Variants in SYT12 observed in about 807,000 individuals in gnomAD.
The protein encoded by SYT12 is synaptotagmin-12.
In SYT12, 27 loss-of-function variants were observed where a neutral mutation model predicts 39.5. The observed-to-expected ratio is 0.68, with a 90% CI of 0.50 to 0.94. SYT12 has a LOEUF of 0.94. SYT12 is among the 40% of genes least tolerant of loss of function. The pLI, the probability that SYT12 is intolerant of heterozygous loss-of-function variation, is 0.00. For missense variants in SYT12, 536 were observed against 572.6 expected, an observed-to-expected ratio of 0.94 and a Z score of 0.65; for synonymous variants, 233 against 239.7, an observed-to-expected ratio of 0.97 and a Z score of 0.26.
chr11:67,031,497 A>G (rs1210706069), intron 2 of SYT12: 2 of 152,222 alleles, frequency 1.3e-5, no homozygotes, highest in Non-Finnish European at 2.9e-5. Flanking sequence ...CCTTGACTCC[A>G]TGGGTTAATA....
intron 3 of SYT12, among the ~76,000 whole-genome samples, chr11:67,035,363 A>T (rs1336589627): frequency 6.7e-6 from 1 of 149,360 alleles, no homozygotes; most frequent in African/African-American, 2.5e-5. Context: ...TGCTCCTTGC[A>T]GAGCAGGGCT....
chr11:67,030,228 C>T, intron 2 of SYT12, 50 bp downstream of exon 2: 2 of 1,604,666 alleles, frequency 1.2e-6, no homozygotes, highest in South Asian at 1.1e-5. Context: ...GAGACCCTTA[C>T]ACCAGGCCTG....
At chr11:67,038,053 A>AG (rs1023188429) in intron 3 of SYT12, among the ~76,000 whole-genome samples, 12 of 151,874 alleles carry the variant, frequency 7.9e-5, no homozygotes, top group African/African-American at 1.2e-4. Flanking sequence ...AAAAAAAAAA[A>AG]AAAAATTATG....
rs141528453 is a variant in SYT12, at chr11:67,044,596, G to A, written c.841G>A (p.Ala281Thr). 3.9e-5 allele frequency: 63 copies of A among 1,612,026 alleles called. No homozygotes were observed. The highest frequency in any genetic ancestry group is 5.5e-5 in the South Asian group (5 of 90,752). The change falls in exon 6 of 8, where the codon GCC becomes ACC. Residue 281 changes from alanine (A) to threonine (T), a missense_variant. Transcript: ENST00000527043. ...GAGCCACCTGTCTGTCCCCCAGGCC[G>A]CCGATGCTGTGGGGGAGATCCTGCT... Reference protein sequence around the residue: ...WLYLQDQNKAADAVGEILLSL... With the variant: ...WLYLQDQNKATDAVGEILLSL...
At chr11:67,010,026 T>C (rs796121279) in exon 2 of SYT12, 11 of 152,420 alleles carry the variant, frequency 7.2e-5, no homozygotes, top group African/African-American at 2.6e-4. Flanking sequence ...AAGGGCTTGG[T>C]GTGTTTGAGA....
intron 2 of SYT12, among the ~76,000 whole-genome samples, chr11:67,033,623 G>A (rs1262646179): frequency 1.3e-5 from 2 of 152,158 alleles, no homozygotes; most frequent in East Asian, 3.8e-4. Flanking sequence ...ACCCCTTCTG[G>A]GCTCTGTGAC....
At chr11:67,018,223 A>C (rs1204795503), upstream of SYT12, among the ~76,000 whole-genome samples, 1 of 151,978 alleles carries the variant, frequency 6.6e-6, no homozygotes, top group Non-Finnish European at 1.5e-5. Context: ...AGATCGTGCC[A>C]CTGCACTCCA....
chr11:67,044,724 G>T lies in SYT12; in HGVS notation c.958+11G>T, dbSNP rs771642644. The T allele has an allele frequency of 6.2e-7, 1 of 1,613,392 alleles. No individual in the cohort carries two copies. Among genetic ancestry groups the T allele is most frequent in the Non-Finnish European group, 8.5e-7 (1 of 1,179,832 alleles). On this transcript the variant is annotated intron_variant, in intron 6 of 7. Coordinates refer to ENST00000527043, the MANE Select transcript of SYT12 (RefSeq NM_177963.4). The stretch of plus-strand genomic sequence containing the variant: ...ACAAGACCACAGCGGGTAAGGCCCA[G>T]CCGGCAGCCCGGCTCCTCCACGTAG...
intron 2 of SYT12, among the ~76,000 whole-genome samples, chr11:67,010,483 G>A (rs796806836): frequency 7.9e-5 from 12 of 152,230 alleles, no homozygotes; most frequent in African/African-American, 2.9e-4. Flanking sequence ...AGTAACCCTC[G>A]GGTCCCCCCA....
intron 2 of SYT12, chr11:67,032,001 G>A (rs1472144546): frequency 6.6e-6 from 1 of 152,256 alleles, no homozygotes; most frequent in African/African-American, 2.4e-5. Flanking sequence ...GTAGCCCACA[G>A]GTGACATTCT....
chr11:67,046,747 C>T (rs1045902027), intron 7 of SYT12, among the ~76,000 whole-genome samples: 2 of 152,202 alleles, frequency 1.3e-5, no homozygotes, highest in African/African-American at 2.4e-5. Context: ...CAAGAGACTT[C>T]TTGGGACCAT....
At chr11:67,046,636 G>A (rs754860663) in intron 7 of SYT12, among the ~76,000 whole-genome samples, 1 of 152,212 alleles carries the variant, frequency 6.6e-6, no homozygotes, top group Non-Finnish European at 1.5e-5. Flanking sequence ...CCCATCCTGG[G>A]TATCGTAGCC....
At chr11:67,022,607 C>T (rs1175669023), upstream of SYT12, 3 of 152,264 alleles carry the variant, frequency 2.0e-5, no homozygotes, top group Non-Finnish European at 4.4e-5. Flanking sequence ...AGAGAAAGCA[C>T]GACCCCTTAG....
At chr11:67,047,545 G>A (rs981101709) in intron 7 of SYT12, among the ~76,000 whole-genome samples, 4 of 150,420 alleles carry the variant, frequency 2.7e-5, no homozygotes, top group African/African-American at 9.7e-5. Flanking sequence ...TAGGATTACA[G>A]ATGTGAGCCA....
intron 1 of SYT12, among the ~76,000 whole-genome samples, chr11:67,024,325 G>T (rs1276635082): frequency 6.6e-6 from 1 of 152,202 alleles, no homozygotes; most frequent in Non-Finnish European, 1.5e-5. Context: ...CTCAGAGAGG[G>T]CAGGAGACCC....
exon 3 of SYT12, chr11:67,010,910 G>A (rs976451562): frequency 2.6e-5 from 4 of 152,168 alleles, no homozygotes; most frequent in Non-Finnish European, 5.9e-5. Flanking sequence ...CCTAGGGCCT[G>A]GGTCTTCTTT....
At chr11:67,017,333 G>A (rs1950066158) in intron 3 of SYT12, among the ~76,000 whole-genome samples, 1 of 151,650 alleles carries the variant, frequency 6.6e-6, no homozygotes, top group South Asian at 2.1e-4. Context: ...ACCAGCCCGG[G>A]TAACATAGGG....
intron 7 of SYT12, among the ~76,000 whole-genome samples, chr11:67,048,202 C>T (rs1352635503): frequency 6.8e-6 from 1 of 146,906 alleles, no homozygotes; most frequent in Non-Finnish European, 1.5e-5. Context: ...ACCTGGGAGG[C>T]GGAGGTTGCA....
intron 2 of SYT12, among the ~76,000 whole-genome samples, chr11:67,033,400 G>T (rs1048750756): frequency 6.6e-6 from 1 of 152,174 alleles, no homozygotes; most frequent in Non-Finnish European, 1.5e-5. Flanking sequence ...TTGGCCTGGG[G>T]CTGACTCAAC....
Sources: allele counts gnomAD v4.1 joint callset (sites outside exome capture counted in the v4.1 genomes callset), GRCh38; gene constraint gnomAD v4.1.1; transcripts MANE v1.5; gene names NCBI Gene and HGNC (gene_info 2026-07-23, HGNC 2026-07-21).